Variants in KCNN2 observed in about 807,000 individuals in gnomAD.
The protein encoded by KCNN2 is small conductance calcium-activated potassium channel protein 2.
KCNN2 carries 24 observed loss-of-function variants against 55.5 expected under a neutral mutation model. That is an observed-to-expected ratio of 0.43 (90% confidence interval 0.31 to 0.61). The LOEUF is 0.61. KCNN2 is among the 20% of genes least tolerant of loss of function. The pLI is 0.08. For synonymous variants in KCNN2, 431 were observed against 336.1 expected, an observed-to-expected ratio of 1.28 and a Z score of -3.09; for missense variants, 754 against 853.6, an observed-to-expected ratio of 0.88 and a Z score of 1.45.
At chr5:114,209,549 A>G (rs1179826349) in intron 1 of KCNN2, among the ~76,000 whole-genome samples, 1 of 152,092 alleles carries the variant, frequency 6.6e-6, no homozygotes, top group African/African-American at 2.4e-5. Flanking sequence ...TATCAACAGG[A>G]CACATGTAAT....
At chr5:114,178,203 T>C (rs376996064) in intron 1 of KCNN2, among the ~76,000 whole-genome samples, 1 of 152,196 alleles carries the variant, frequency 6.6e-6, no homozygotes, top group Non-Finnish European at 1.5e-5. Context: ...TCCCACTGCA[T>C]GTGTATTCTG....
At chr5:114,075,803 C>G (rs1244154850) in intron 1 of KCNN2, among the ~76,000 whole-genome samples, 1 of 152,186 alleles carries the variant, frequency 6.6e-6, no homozygotes, top group East Asian at 1.9e-4. Flanking sequence ...TGCTATGCTG[C>G]AGACCCATGC....
intron 3 of KCNN2, among the ~76,000 whole-genome samples, chr5:114,417,686 G>C (rs1759349434): frequency 6.6e-6 from 1 of 152,172 alleles, no homozygotes; most frequent in Admixed American, 6.5e-5. Context: ...CAGGGGGACT[G>C]TTGTAGTCAG....
chr5:114,434,621 A>G (rs752302524), intron 3 of KCNN2, among the ~76,000 whole-genome samples: 5 of 152,138 alleles, frequency 3.3e-5, no homozygotes, highest in Non-Finnish European at 5.9e-5. Flanking sequence ...AGCCCTATTG[A>G]TATCAGTAGT....
chr5:114,450,398 A>C (rs1468714721), intron 3 of KCNN2, among the ~76,000 whole-genome samples: 1 of 152,204 alleles, frequency 6.6e-6, no homozygotes, highest in African/African-American at 2.4e-5. Flanking sequence ...GCAGGAGCTG[A>C]ATGAATAGAG....
chr5:114,289,525 C>T (rs59716194), intron 2 of KCNN2, among the ~76,000 whole-genome samples: 10,818 of 151,930 alleles, frequency 0.071, 1,309 homozygotes, highest in African/African-American at 0.25. Context: ...TACAGGCGTG[C>T]ACCACCATGC....
At chr5:114,058,681 C>T (rs898790831) in intron 1 of KCNN2, among the ~76,000 whole-genome samples, 3 of 152,228 alleles carry the variant, frequency 2.0e-5, no homozygotes, top group Non-Finnish European at 2.9e-5. Flanking sequence ...CCTAGAGTGA[C>T]GCAGTGGGTC....
rs554266483 is a variant in KCNN2 at position 114,473,739 on chromosome 5, C to G, written c.1890+575C>G. Among the ~76,000 whole-genome samples the G allele has an allele frequency of 3.9e-5, 6 of 152,316 alleles. No individual in the cohort carries two copies. In the South Asian group the frequency reaches 1.0e-3, roughly 26 times the overall value. ...ACAGTAATCACAATGTTTAAGAGCA[C>G]TTTCTGTGCCAGGCACTGTTCCAAG... On this transcript the variant is annotated intron_variant, in intron 5 of 7. Transcript: ENST00000673685.
chr5:114,082,609 A>C (rs1411818109), intron 1 of KCNN2, among the ~76,000 whole-genome samples: 2 of 152,208 alleles, frequency 1.3e-5, no homozygotes, highest in Admixed American at 6.5e-5. Flanking sequence ...AAAGAAAGCA[A>C]GGTCTTGAAA....
chr5:114,495,420 C>G (rs995312215), intron 7 of KCNN2, among the ~76,000 whole-genome samples: 6 of 152,126 alleles, frequency 3.9e-5, no homozygotes, highest in Admixed American at 2.6e-4. Flanking sequence ...ATATTCTACC[C>G]TCAACATTTC....
intron 3 of KCNN2, among the ~76,000 whole-genome samples, chr5:114,446,573 T>G (rs1370892179): frequency 6.6e-6 from 1 of 150,566 alleles, no homozygotes; most frequent in African/African-American, 2.4e-5. Context: ...TTCTCCTGCC[T>G]CAGCCTCCCA....
In KCNN2 at chr5:114,381,030, G is replaced by T. The variant is rs557888588; in HGVS notation, c.1218+17029G>T. ...AATAGTCACTGTGTTTTCATCTGTG[G>T]TGTGGGGGCAGCCCTCCTTGTTCCT... is the stretch of plus-strand genomic sequence containing the variant. On this transcript the variant is annotated intron_variant, in intron 2 of 7. Transcript: ENST00000673685. Among the ~76,000 whole-genome samples the T allele has an allele frequency of 5.3e-5, 8 of 152,288 alleles. No individual in the cohort carries two copies. The South Asian group carries it at 1.7e-3, about 32-fold the overall frequency.
intron 1 of KCNN2, among the ~76,000 whole-genome samples, chr5:114,191,326 T>C (rs776989326): frequency 2.6e-5 from 4 of 152,140 alleles, no homozygotes; most frequent in Admixed American, 6.6e-5. Context: ...CATATCTTAT[T>C]TATGCTTCAG....
At chr5:114,143,481 A>G (rs1474068571) in intron 1 of KCNN2, among the ~76,000 whole-genome samples, 1 of 152,168 alleles carries the variant, frequency 6.6e-6, no homozygotes, top group East Asian at 1.9e-4. Context: ...AAAGAGGCCT[A>G]AAAGAGCCAT....
chr5:114,444,526 G>C (rs1760330293), intron 3 of KCNN2, among the ~76,000 whole-genome samples: 1 of 152,130 alleles, frequency 6.6e-6, no homozygotes, highest in East Asian at 1.9e-4. Context: ...GTGGCAAGCA[G>C]AGGCCAGGCC....
intron 2 of KCNN2, among the ~76,000 whole-genome samples, chr5:114,241,049 T>G (rs1442133219): frequency 6.6e-6 from 1 of 151,878 alleles, no homozygotes; most frequent in Admixed American, 6.6e-5. Flanking sequence ...TAAAAAACAT[T>G]TGTATATGTG....
At chr5:114,119,315 A>C (rs1317456684) in intron 1 of KCNN2, among the ~76,000 whole-genome samples, 1 of 152,218 alleles carries the variant, frequency 6.6e-6, no homozygotes, top group African/African-American at 2.4e-5. Context: ...AATCGTACTT[A>C]GATACACAAA....
At chr5:114,276,144 T>A (rs756392820) in intron 2 of KCNN2, among the ~76,000 whole-genome samples, 1 of 152,176 alleles carries the variant, frequency 6.6e-6, no homozygotes, top group African/African-American at 2.4e-5. Flanking sequence ...CAGTTTTGAG[T>A]GAGTTTCTTA....
chr5:114,212,209 A>G (rs1753901227), intron 1 of KCNN2, among the ~76,000 whole-genome samples: 1 of 152,078 alleles, frequency 6.6e-6, no homozygotes, highest in Admixed American at 6.6e-5. Flanking sequence ...TTATTTGGCC[A>G]TAAAGGAAAT....
Sources: gnomAD v4.1 joint callset for allele counts (sites outside exome capture counted in the v4.1 genomes callset) on GRCh38, gnomAD v4.1.1 for gene constraint, MANE v1.5 for transcripts, NCBI Gene and HGNC (gene_info 2026-07-23, HGNC 2026-07-21) for gene names.